Variants in TMC1 observed in about 807,000 individuals in gnomAD.
TMC1 encodes transmembrane channel-like protein 1.
A neutral mutation model predicts 105.8 loss-of-function variants in TMC1; 84 were observed. That is an observed-to-expected ratio of 0.79 (90% CI 0.67 to 0.95). The LOEUF (loss-of-function observed/expected upper bound fraction) is 0.95. Ranked by LOEUF, TMC1 falls within the 40% of genes least tolerant of loss-of-function variation. The pLI, the probability that TMC1 is intolerant of heterozygous loss-of-function variation, is 0.00. For missense variants in TMC1, 817 were observed against 914.1 expected (o/e 0.89, Z 1.37); for synonymous variants, 315 against 311.5 (o/e 1.01, Z -0.12).
intron 12 of TMC1, among the ~76,000 whole-genome samples, chr9:72,771,170 G>A (rs1827918901): frequency 6.6e-6 from 1 of 152,194 alleles, no homozygotes; most frequent in African/African-American, 2.4e-5. Context: ...TTCATTCCGT[G>A]CAGTCCCGAG....
intron 2 of TMC1, among the ~76,000 whole-genome samples, chr9:72,603,016 T>G (rs1824843519): frequency 6.6e-6 from 1 of 152,184 alleles, no homozygotes; most frequent in African/African-American, 2.4e-5. Flanking sequence ...CATTTACCAG[T>G]ATTGTGTATA....
chr9:72,713,690 T>C (rs1336215877), intron 8 of TMC1, among the ~76,000 whole-genome samples: 1 of 152,084 alleles, frequency 6.6e-6, no homozygotes, highest in East Asian at 1.9e-4. Context: ...TGGCTAGTTG[T>C]TGATCTTTCA....
At chr9:72,553,778 A>G (rs917689566) in intron 1 of TMC1, among the ~76,000 whole-genome samples, 4 of 152,218 alleles carry the variant, frequency 2.6e-5, no homozygotes, top group African/African-American at 4.8e-5. Context: ...TCCTAGACAC[A>G]TAATGATTAG....
At chr9:72,563,417 A>G (rs1011357978) in intron 1 of TMC1, among the ~76,000 whole-genome samples, 1 of 152,220 alleles carries the variant, frequency 6.6e-6, no homozygotes, top group Admixed American at 6.5e-5. Context: ...TCAACTGCCA[A>G]TAATGCAAGA....
intron 5 of TMC1, among the ~76,000 whole-genome samples, chr9:72,674,694 A>C (rs1826174422): frequency 6.6e-6 from 1 of 152,248 alleles, no homozygotes; most frequent in Non-Finnish European, 1.5e-5. Flanking sequence ...TGTCCATTAA[A>C]GTTTGAGATC....
Position 72,692,940 on chromosome 9 carries a change from G to A in TMC1, c.65-1603G>A, listed in dbSNP as rs541264106. 1.1e-3 allele frequency among the ~76,000 whole-genome samples: 171 copies of A among 152,190 alleles called. 1 individual carries two copies. The highest frequency in any genetic ancestry group is 1.9e-3 in the Non-Finnish European group (130 of 68,000). The stretch of plus-strand genomic sequence containing the variant: ...TCACGACCAGCCTGGCCAACATGGT[G>A]AAACCCCATCTCTACTAAAAATACA... On this transcript the variant is annotated intron_variant, in intron 6 of 23. Transcript: ENST00000297784.
chr9:72,716,024 G>T (rs772764861), intron 8 of TMC1, among the ~76,000 whole-genome samples: 2 of 152,184 alleles, frequency 1.3e-5, no homozygotes, highest in African/African-American at 2.4e-5. Context: ...CCCCTCTGCT[G>T]CAGGTCTGCT....
chr9:72,700,763 C>A, intron 8 of TMC1, 120 bp downstream of exon 8: 1 of 120,976 alleles, frequency 8.3e-6, no homozygotes. Context: ...CACACACATA[C>A]ACACACACAC....
At chr9:72,552,241 G>C (rs533024694) in intron 1 of TMC1, among the ~76,000 whole-genome samples, 2 of 152,280 alleles carry the variant, frequency 1.3e-5, no homozygotes, top group East Asian at 3.9e-4. Context: ...CTCTTCCACA[G>C]AACAAATGAA....
intron 5 of TMC1, among the ~76,000 whole-genome samples, chr9:72,680,344 G>T (rs1369254363): frequency 1.3e-5 from 2 of 152,014 alleles, no homozygotes; most frequent in Non-Finnish European, 2.9e-5. Context: ...GTCTGTGAGA[G>T]AAAAAATTAG....
intron 12 of TMC1, among the ~76,000 whole-genome samples, chr9:72,755,140 T>C (rs1827659345): frequency 6.6e-6 from 1 of 151,714 alleles, no homozygotes; most frequent in African/African-American, 2.4e-5. Context: ...GAAAGAAACA[T>C]GTCCCTTTAT....
chr9:72,544,956 G>A (rs1250185043), intron 1 of TMC1, among the ~76,000 whole-genome samples: 5 of 151,892 alleles, frequency 3.3e-5, no homozygotes, highest in Admixed American at 2.0e-4. Flanking sequence ...CTTTCCCTGA[G>A]TTCCCAAAGT....
intron 1 of TMC1, among the ~76,000 whole-genome samples, chr9:72,574,419 A>T (rs6560293): frequency 1.5e-4 from 23 of 152,262 alleles, no homozygotes; most frequent in African/African-American, 5.3e-4. Flanking sequence ...CTATCAGGAA[A>T]GCAAGGCCAA....
At chr9:72,706,006 G>A (rs1416358569) in intron 8 of TMC1, among the ~76,000 whole-genome samples, 1 of 152,144 alleles carries the variant, frequency 6.6e-6, no homozygotes, top group Non-Finnish European at 1.5e-5. Context: ...TGGCCATTAA[G>A]GTAACATTCC....
chr9:72,779,761 A>T (rs1828062263), intron 13 of TMC1, among the ~76,000 whole-genome samples: 1 of 152,218 alleles, frequency 6.6e-6, no homozygotes, highest in African/African-American at 2.4e-5. Flanking sequence ...ATACAGAATT[A>T]TGTAAAAAGA....
chr9:72,764,840 A>T (rs906828264), intron 12 of TMC1, among the ~76,000 whole-genome samples: 1 of 152,204 alleles, frequency 6.6e-6, no homozygotes, highest in Non-Finnish European at 1.5e-5. Flanking sequence ...GCCCACAGGG[A>T]CATTATGATC....
intron 2 of TMC1, among the ~76,000 whole-genome samples, chr9:72,599,402 C>T (rs967889295): frequency 2.6e-5 from 4 of 152,082 alleles, no homozygotes; most frequent in African/African-American, 9.7e-5. Context: ...AAGATGGAAG[C>T]GATGAAAACC....
intron 2 of TMC1, among the ~76,000 whole-genome samples, chr9:72,607,345 C>T (rs372554180): frequency 1.1e-4 from 16 of 152,158 alleles, no homozygotes; most frequent in Non-Finnish European, 2.1e-4. Flanking sequence ...TATTGCCAGG[C>T]GTGGTGGCTC....
intron 8 of TMC1, among the ~76,000 whole-genome samples, chr9:72,702,206 A>G (rs528388021): frequency 1.3e-5 from 2 of 152,308 alleles, no homozygotes; most frequent in African/African-American, 4.8e-5. Context: ...AAATTGGAGC[A>G]ATATTGTGAA....
Sources: allele counts gnomAD v4.1 joint callset (sites outside exome capture counted in the v4.1 genomes callset), GRCh38; gene constraint gnomAD v4.1.1; transcripts MANE v1.5; gene names NCBI Gene and HGNC (gene_info 2026-07-23, HGNC 2026-07-21).